CA10: variants seen among roughly 807,000 people sequenced by gnomAD.
The protein encoded by CA10 is carbonic anhydrase-related protein 10.
In CA10, 14 loss-of-function variants were observed where a neutral mutation model predicts 44.2. That is an observed-to-expected ratio of 0.32 (90% CI 0.21 to 0.50). CA10 has a LOEUF of 0.50. Ranked by LOEUF, CA10 falls within the 20% of genes least tolerant of loss-of-function variation. The pLI is 0.99. For synonymous variants in CA10, 159 were observed against 141.6 expected, an observed-to-expected ratio of 1.12 and a Z score of -0.87; for missense variants, 350 against 409.7, an observed-to-expected ratio of 0.85 and a Z score of 1.26.
chr17:52,019,407 G>C (rs1383481944), intron 2 of CA10, among the ~76,000 whole-genome samples: 2 of 152,014 alleles, frequency 1.3e-5, no homozygotes, highest in African/African-American at 2.4e-5. Context: ...CACCAAAAAT[G>C]TTATCTTTGA....
chr17:51,805,099 C>A (rs1445913664), intron 3 of CA10, among the ~76,000 whole-genome samples: 5 of 152,194 alleles, frequency 3.3e-5, no homozygotes, highest in African/African-American at 1.2e-4. Context: ...CGGTCCCTTT[C>A]AGCACTGTCT....
chr17:51,817,831 G>C (rs1190030194), intron 3 of CA10, among the ~76,000 whole-genome samples: 3 of 152,118 alleles, frequency 2.0e-5, no homozygotes, highest in Non-Finnish European at 2.9e-5. Context: ...AGTCACAGAG[G>C]GGTTAAGGGA....
chr17:51,841,926 AG>A (rs2143806220), intron 3 of CA10, among the ~76,000 whole-genome samples: 1 of 152,228 alleles, frequency 6.6e-6, no homozygotes, highest in East Asian at 1.9e-4. Context: ...CAAGAGGAAG[AG>A]AAGGGGCTGT....
At chr17:51,651,374 G>A (rs1211706048) in intron 5 of CA10, among the ~76,000 whole-genome samples, 1 of 152,218 alleles carries the variant, frequency 6.6e-6, no homozygotes, top group African/African-American at 2.4e-5. Context: ...TCATGGTGGA[G>A]TTGATTTTCT....
chr17:51,930,985 C>T lies in CA10; in HGVS notation c.279+5G>A. Reference sequence around the variant, plus strand: ...CTTTACCATGGAAGCAATATGGTGGCTTACCTTCCTGCCCCCCGTGTTGAT... The same window carrying T: ...CTTTACCATGGAAGCAATATGGTGGTTTACCTTCCTGCCCCCCGTGTTGAT... On this transcript the variant is annotated splice_donor_5th_base_variant and intron_variant, in intron 3 of 8. Coordinates refer to ENST00000451037, the MANE Select transcript of CA10 (RefSeq NM_020178.5). The T allele has an allele frequency of 1.9e-6, 3 of 1,612,930 alleles. No homozygotes were observed. Among genetic ancestry groups the T allele is most frequent in the Non-Finnish European group, 2.5e-6 (3 of 1,179,390 alleles).
chr17:51,882,549 G>C (rs1235295303), intron 3 of CA10, among the ~76,000 whole-genome samples: 1 of 152,150 alleles, frequency 6.6e-6, no homozygotes, highest in Non-Finnish European at 1.5e-5. Flanking sequence ...TGACTACATC[G>C]ACCTGGCATA....
chr17:51,957,410 C>T lies in CA10; in HGVS notation c.137-26278G>A, dbSNP rs147789492. On this transcript the variant is annotated intron_variant, in intron 2 of 8. Transcript: ENST00000451037. ...ATGTCTGCTCTTAAGAAGTTACTTG[C>T]TACTCCCTGAATATATGAAAACTTT... 2.4e-3 allele frequency among the ~76,000 whole-genome samples: 370 copies of T among 151,900 alleles called. 1 individual carries two copies. Among genetic ancestry groups the T allele is most frequent in the African/African-American group, 8.3e-3 (346 of 41,464 alleles).
intron 3 of CA10, among the ~76,000 whole-genome samples, chr17:51,911,792 A>T (rs1244859921): frequency 1.3e-5 from 2 of 152,154 alleles, no homozygotes; most frequent in Non-Finnish European, 2.9e-5. Context: ...AATCACTCAA[A>T]TTTCTGGATA....
intron 3 of CA10, among the ~76,000 whole-genome samples, chr17:51,868,343 C>T (rs1413116789): frequency 6.6e-6 from 1 of 152,094 alleles, no homozygotes; most frequent in African/African-American, 2.4e-5. Context: ...GTTATAAATG[C>T]ATGTTTGTAT....
At chr17:52,134,629 T>G (rs1989310552) in intron 1 of CA10, among the ~76,000 whole-genome samples, 1 of 152,224 alleles carries the variant, frequency 6.6e-6, no homozygotes. Flanking sequence ...TTTGTTCTTA[T>G]GCCCTGGCAT....
intron 2 of CA10, among the ~76,000 whole-genome samples, chr17:51,953,803 T>C (rs1239690200): frequency 6.6e-6 from 1 of 152,154 alleles, no homozygotes; most frequent in African/African-American, 2.4e-5. Context: ...TTATAACTTT[T>C]TAACTTGTTG....
intron 2 of CA10, among the ~76,000 whole-genome samples, chr17:52,051,498 C>T (rs564174338): frequency 1.1e-4 from 17 of 150,350 alleles, no homozygotes; most frequent in African/African-American, 3.4e-4. Context: ...TGAACATTTT[C>T]GACAGAAGAC....
intron 2 of CA10, among the ~76,000 whole-genome samples, chr17:52,009,643 T>C (rs1304023198): frequency 1.3e-5 from 2 of 152,058 alleles, no homozygotes; most frequent in African/African-American, 4.8e-5. Context: ...ATTTCTCTTC[T>C]AAATTTATAA....
At chr17:51,855,227 T>C (rs1340194903) in intron 3 of CA10, among the ~76,000 whole-genome samples, 1 of 152,236 alleles carries the variant, frequency 6.6e-6, no homozygotes, top group African/African-American at 2.4e-5. Context: ...AAATAGTTAC[T>C]GTCTCCCACC....
intron 1 of CA10, among the ~76,000 whole-genome samples, chr17:52,116,127 A>AC (rs543467102): frequency 4.9e-4 from 74 of 151,358 alleles, no homozygotes; most frequent in African/African-American, 1.8e-3. Flanking sequence ...TGTTGGAGAA[A>AC]CCCATTTACA....
intron 4 of CA10, among the ~76,000 whole-genome samples, chr17:51,729,609 C>A (rs188748706): frequency 6.6e-5 from 10 of 152,296 alleles, no homozygotes; most frequent in Admixed American, 5.2e-4. Flanking sequence ...CAATCAATTC[C>A]TTTGCTCCAC....
At chr17:51,923,503 C>A (rs1347099104) in intron 3 of CA10, among the ~76,000 whole-genome samples, 1 of 152,060 alleles carries the variant, frequency 6.6e-6, no homozygotes, top group African/African-American at 2.4e-5. Flanking sequence ...TCAGTTACTG[C>A]CATTTAGCTT....
chr17:51,978,402 GTGTGTGTGTGTC>G (rs1337882678), intron 2 of CA10, among the ~76,000 whole-genome samples: 1 of 151,754 alleles, frequency 6.6e-6, no homozygotes, highest in Non-Finnish European at 1.5e-5. Context: ...GTGTGTGTGT[GTGTGTGTGTGTC>G]TGTGTGTATG....
rs1464884172 is a variant in CA10 at position 51,873,310 on chromosome 17, G to T, written c.279+57680C>A. Among the ~76,000 whole-genome samples, 3 of 152,286 alleles carry T rather than the reference G, an allele frequency of 2.0e-5. No homozygotes were observed. The East Asian group carries it at 5.8e-4, about 29-fold the overall frequency. ...CAAATGCTGGCACTGCTACTTTTCA[G>T]TTTGTACCATCTTGTTAAACTTATT... On this transcript the variant is annotated intron_variant, in intron 3 of 8. Transcript: ENST00000451037.
Sources: gnomAD v4.1 joint callset for allele counts (sites outside exome capture counted in the v4.1 genomes callset) on GRCh38, gnomAD v4.1.1 for gene constraint, MANE v1.5 for transcripts, NCBI Gene and HGNC (gene_info 2026-07-23, HGNC 2026-07-21) for gene names.